The following GPD1L variants were observed in gnomAD, a reference collection of about 807,000 sequenced individuals.
GPD1L encodes the protein glycerol-3-phosphate dehydrogenase 1-like protein.
Under a neutral mutation model 32.9 loss-of-function variants are expected in GPD1L, and 17 were observed. That is an observed-to-expected ratio of 0.52 (90% CI 0.35 to 0.78). GPD1L has a LOEUF of 0.78. Ranked by LOEUF, GPD1L falls within the 30% of genes least tolerant of loss-of-function variation. The probability of loss-of-function intolerance (pLI) is 0.01; values close to 1 mark genes in which losing one functional copy is unlikely to be tolerated. For synonymous variants in GPD1L, 187 were observed against 165.9 expected, an observed-to-expected ratio of 1.13 and a Z score of -0.98; for missense variants, 361 against 447.8, an observed-to-expected ratio of 0.81 and a Z score of 1.75.
At chr3:32,136,775 T>C (rs201268894) in intron 2 of GPD1L, among the ~76,000 whole-genome samples, 22 of 152,096 alleles carry the variant, frequency 1.4e-4, no homozygotes, top group Non-Finnish European at 3.1e-4. Context: ...TGTTTTTTTT[T>C]CCCCTGTACC....
chr3:32,134,354 G>A (rs552619516), intron 2 of GPD1L, among the ~76,000 whole-genome samples: 3 of 152,264 alleles, frequency 2.0e-5, no homozygotes, highest in South Asian at 4.1e-4. Flanking sequence ...ATTCCACCAA[G>A]GAGAATAAGC....
rs773387092 is a variant in GPD1L, at chr3:32,146,735, G to A, written c.618+1G>A. The A allele has an allele frequency of 6.3e-7, 1 of 1,578,612 alleles. No individual in the cohort carries two copies. Among genetic ancestry groups the A allele is most frequent in the Non-Finnish European group, 8.7e-7 (1 of 1,148,472 alleles). On this transcript the variant is annotated splice_donor_variant, in intron 5 of 7. Coordinates refer to ENST00000282541, the MANE Select transcript of GPD1L (RefSeq NM_015141.4). LOFTEE classifies it high-confidence loss of function. ...TGTTGAACTCTGTGGTGCGCTTAAGGTAAAGTCAGCCTCAGGGGAGGAGTT... is the reference window on the plus strand; with the variant it reads ...TGTTGAACTCTGTGGTGCGCTTAAGATAAAGTCAGCCTCAGGGGAGGAGTT...
chr3:32,146,828 C>T (rs1700837976), intron 5 of GPD1L, 94 bp downstream of exon 5: 1 of 794,476 alleles, frequency 1.3e-6, no homozygotes, highest in African/African-American at 1.7e-5. Context: ...GTTCTGTGCA[C>T]CCACATCAGC....
rs1253996891 is a variant in GPD1L, at chr3:32,168,390, T to C, written c.*2480T>C. The C allele has an allele frequency of 1.3e-5, 2 of 152,666 alleles. No individual in the cohort carries two copies. The highest frequency in any genetic ancestry group is 4.8e-5 in the African/African-American group (2 of 41,460). The allele number at this position is 152,666 out of a possible 1,614,324, so 9.5% of individuals were successfully genotyped here. A position where few individuals can be genotyped will look rare whatever the true frequency, so the allele number is the denominator to read the frequency against. ...AATTTGTACTACTTCAGCCAATCTG[T>C]GAATGTAAAAACTACACTGTTGCCT... On this transcript the variant is annotated 3_prime_UTR_variant, in exon 8 of 8. Coordinates refer to ENST00000282541, the MANE Select transcript of GPD1L (RefSeq NM_015141.4).
At chr3:32,157,251 CT>C (rs551469067) in intron 5 of GPD1L, among the ~76,000 whole-genome samples, 212 of 146,060 alleles carry the variant, frequency 1.5e-3, no homozygotes, top group Middle Eastern at 3.6e-3. Context: ...TCCCCTCTGC[CT>C]TTTTTTTTTT....
In GPD1L at chr3:32,146,363, G is replaced by A. The variant is rs532324678; in HGVS notation, c.506-259G>A. ...AGCCTCCCAAAGTGCTGGGATTACA[G>A]GTGTGAGTCATCGTGTCTGGCCAAA... On this transcript the variant is annotated intron_variant, in intron 4 of 7. Transcript: ENST00000282541. Among the ~76,000 whole-genome samples the A allele has an allele frequency of 6.6e-5, 10 of 152,254 alleles. No individual in the cohort carries two copies. The South Asian group carries it at 2.1e-3, about 32-fold the overall frequency.
At position 32,165,971 on chromosome 3, in the gene GPD1L, G is replaced by T; in HGVS notation, c.*61G>T. The T allele has an allele frequency of 1.1e-6, 1 of 903,164 alleles. No individual in the cohort carries two copies. The highest frequency in any genetic ancestry group is 1.7e-5 in the Admixed American group (1 of 58,386). The allele number at this position is 903,164 out of a possible 1,614,324, so 55.9% of individuals were successfully genotyped here. On this transcript the variant is annotated 3_prime_UTR_variant, in exon 8 of 8. Transcript: ENST00000282541. Reference sequence around the variant, plus strand: ...TTTCTGATCAATCTTTTGGGTTCACGTGGAAACCAGGACTTGGCAACATGA... The same window carrying T: ...TTTCTGATCAATCTTTTGGGTTCACTTGGAAACCAGGACTTGGCAACATGA...
At chr3:32,158,074 G>A (rs567679165) in intron 5 of GPD1L, among the ~76,000 whole-genome samples, 4 of 152,316 alleles carry the variant, frequency 2.6e-5, no homozygotes, top group South Asian at 2.1e-4. Context: ...GAGGGCATGT[G>A]CCAGGGTGTC....
At chr3:32,144,851 A>ACACAC (rs1700797154) in intron 4 of GPD1L, among the ~76,000 whole-genome samples, 2 of 150,262 alleles carry the variant, frequency 1.3e-5, no homozygotes, top group Non-Finnish European at 3.0e-5. Context: ...ACACACACAC[A>ACACAC]CACCACCACG....
chr3:32,109,301 T>G lies in GPD1L; in HGVS notation c.47+2543T>G, dbSNP rs544157287. 8.5e-5 allele frequency among the ~76,000 whole-genome samples: 13 copies of G among 152,278 alleles called. No individual in the cohort carries two copies. The South Asian group carries it at 2.7e-3, about 32-fold the overall frequency. On this transcript the variant is annotated intron_variant, in intron 1 of 7. Transcript: ENST00000282541. ...ACAGATGACAGCCCCTTTTCCTAAT[T>G]TGCAAGATGCAGGACAAGTAGCACA...
intron 4 of GPD1L, among the ~76,000 whole-genome samples, chr3:32,142,333 G>T (rs1034127679): frequency 6.6e-6 from 1 of 152,034 alleles, no homozygotes; most frequent in Non-Finnish European, 1.5e-5. Flanking sequence ...TGGCCAGGAT[G>T]GTCTTGATCT....
chr3:32,136,093 G>A (rs540168104), intron 2 of GPD1L, among the ~76,000 whole-genome samples: 1 of 152,294 alleles, frequency 6.6e-6, no homozygotes, highest in East Asian at 1.9e-4. Flanking sequence ...GCTGGCTTCA[G>A]GTGTAGCCTG....
chr3:32,149,938 G>C (rs1287044818), intron 5 of GPD1L, among the ~76,000 whole-genome samples: 1 of 134,406 alleles, frequency 7.4e-6, no homozygotes, highest in African/African-American at 3.1e-5. Context: ...GACAGAGTGA[G>C]ACTCCGTCTC....
intron 1 of GPD1L, among the ~76,000 whole-genome samples, chr3:32,121,705 A>G (rs1468808907): frequency 7.4e-6 from 1 of 134,420 alleles, no homozygotes; most frequent in Non-Finnish European, 1.5e-5. Context: ...ATTTATATAT[A>G]TATTTCTACA....
At chr3:32,144,113 A>G (rs954727681) in intron 4 of GPD1L, among the ~76,000 whole-genome samples, 3 of 152,228 alleles carry the variant, frequency 2.0e-5, no homozygotes, top group Admixed American at 2.0e-4. Context: ...AGATAATAAT[A>G]TTATGTAAAC....
At chr3:32,159,753 A>G in intron 7 of GPD1L, 79 bp downstream of exon 7, 1 of 876,162 alleles carries the variant, frequency 1.1e-6, no homozygotes, top group Non-Finnish European at 1.9e-6. Context: ...CACGGAGATG[A>G]GCTAGACTAT....
At chr3:32,146,087 T>C (rs1006442137) in intron 4 of GPD1L, among the ~76,000 whole-genome samples, 24 of 50,812 alleles carry the variant, frequency 4.7e-4, no homozygotes, top group Middle Eastern at 8.6e-3. Flanking sequence ...TTTTTTCTTT[T>C]TTTTTTTTTT....
chr3:32,163,660 C>T (rs1277563791), intron 7 of GPD1L, among the ~76,000 whole-genome samples: 2 of 152,142 alleles, frequency 1.3e-5, no homozygotes, highest in African/African-American at 4.8e-5. Context: ...GTTCAATTTA[C>T]TCATATATAG....
chr3:32,118,961 G>T (rs1047759399), intron 1 of GPD1L, among the ~76,000 whole-genome samples: 8 of 152,114 alleles, frequency 5.3e-5, no homozygotes, highest in Admixed American at 5.2e-4. Context: ...CCTTTTTAAG[G>T]CTGGATAATA....
Sources: gnomAD v4.1 joint callset for allele counts (sites outside exome capture counted in the v4.1 genomes callset) on GRCh38, gnomAD v4.1.1 for gene constraint, MANE v1.5 for transcripts, NCBI Gene and HGNC (gene_info 2026-07-23, HGNC 2026-07-21) for gene names.